Variants in PKIB observed in about 807,000 individuals in gnomAD.
PKIB encodes PKI-beta.
A neutral mutation model predicts 4.5 loss-of-function variants in PKIB; 2 were observed. The observed-to-expected ratio is 0.44, with a 90% confidence interval of 0.18 to 1.39. PKIB has a LOEUF of 1.39. PKIB is among the 40% of genes most tolerant of loss of function. The pLI, the probability that PKIB is intolerant of heterozygous loss-of-function variation, is 0.27. For synonymous variants in PKIB, 38 were observed against 36.0 expected (o/e 1.06, Z -0.20); for missense variants, 94 against 92.6 (o/e 1.02, Z -0.06).
rs201113997 is a variant in PKIB, at chr6:122,691,536, T to C, written c.-9+16392T>C. On this transcript the variant is annotated intron_variant, in intron 3 of 4. Transcript: ENST00000368452. ...ACCTCCAGAATTTCTGCTTGATTCTTCTTAATTATTTCAATCTCTTTGTTA... is the reference window on the plus strand; with the variant it reads ...ACCTCCAGAATTTCTGCTTGATTCTCCTTAATTATTTCAATCTCTTTGTTA... 7.2e-5 allele frequency among the ~76,000 whole-genome samples: 11 copies of C among 152,332 alleles called. No individual in the cohort carries two copies. In the East Asian group the frequency reaches 1.9e-3, roughly 27 times the overall value.
chr6:122,698,755 T>C (rs377261546), intron 3 of PKIB, among the ~76,000 whole-genome samples: 24 of 152,266 alleles, frequency 1.6e-4, no homozygotes, highest in East Asian at 5.8e-4. Flanking sequence ...ACAGCACTAG[T>C]GAAATTAAAG....
chr6:122,638,688 A>G (rs2114842419), intron 2 of PKIB, among the ~76,000 whole-genome samples: 1 of 152,266 alleles, frequency 6.6e-6, no homozygotes, highest in Middle Eastern at 3.4e-3. Context: ...CTTTTTATCC[A>G]TCCACCTTAA....
intron 1 of PKIB, among the ~76,000 whole-genome samples, chr6:122,626,686 A>G (rs948328349): frequency 2.6e-5 from 4 of 152,196 alleles, no homozygotes; most frequent in Admixed American, 1.3e-4. Flanking sequence ...TTTGCTATTT[A>G]TTGCTAGCCC....
chr6:122,624,353 A>T (rs1322539838), intron 1 of PKIB, among the ~76,000 whole-genome samples: 3 of 152,200 alleles, frequency 2.0e-5, no homozygotes, highest in Admixed American at 6.5e-5. Flanking sequence ...CTTTATATCC[A>T]TCACATTCTA....
chr6:122,584,274 AT>A (rs1773788582), intron 2 of PKIB, among the ~76,000 whole-genome samples: 1 of 152,096 alleles, frequency 6.6e-6, no homozygotes, highest in Non-Finnish European at 1.5e-5. Context: ...AATAAGGATT[AT>A]TTTTTTCTTA....
intron 2 of PKIB, among the ~76,000 whole-genome samples, 171 bp from the exon 3 acceptor site, chr6:122,674,907 T>C (rs184603033): frequency 2.0e-5 from 3 of 152,310 alleles, no homozygotes; most frequent in African/African-American, 7.2e-5. Context: ...TGACTTTTAA[T>C]AGAAAATTTT....
At chr6:122,583,525 T>A (rs1299039073) in intron 2 of PKIB, among the ~76,000 whole-genome samples, 1 of 152,106 alleles carries the variant, frequency 6.6e-6, no homozygotes, top group African/African-American at 2.4e-5. Context: ...TTCCAGGCTG[T>A]TCCACGAAAT....
chr6:122,512,099 C>T (rs1776606107), intron 2 of PKIB, among the ~76,000 whole-genome samples: 1 of 152,126 alleles, frequency 6.6e-6, no homozygotes. Flanking sequence ...CAACAATGTC[C>T]TAACCTATTT....
intron 4 of PKIB, among the ~76,000 whole-genome samples, chr6:122,721,114 G>T (rs896440568): frequency 6.6e-6 from 1 of 152,138 alleles, no homozygotes; most frequent in Non-Finnish European, 1.5e-5. Context: ...AGTACAAATG[G>T]AACCACAGAA....
At chr6:122,528,120 A>G (rs908291536) in intron 2 of PKIB, among the ~76,000 whole-genome samples, 7 of 152,154 alleles carry the variant, frequency 4.6e-5, no homozygotes, top group Non-Finnish European at 1.0e-4. Context: ...TTATCATTCT[A>G]AATGCCCTTC....
chr6:122,573,002 T>C (rs1340985277), intron 2 of PKIB, among the ~76,000 whole-genome samples: 1 of 151,584 alleles, frequency 6.6e-6, no homozygotes, highest in African/African-American at 2.4e-5. Context: ...ACACAGAAAA[T>C]TTCAGGACCA....
chr6:122,491,536 A>G (rs1775933477), intron 2 of PKIB, among the ~76,000 whole-genome samples: 1 of 152,176 alleles, frequency 6.6e-6, no homozygotes, highest in Non-Finnish European at 1.5e-5. Flanking sequence ...TACTGTAAAA[A>G]TTAGTCATTA....
intron 2 of PKIB, among the ~76,000 whole-genome samples, chr6:122,544,214 A>G (rs893209230): frequency 4.6e-5 from 7 of 151,988 alleles, no homozygotes; most frequent in African/African-American, 1.5e-4. Context: ...AATCATCAAT[A>G]ATAGATTAAA....
At chr6:122,494,134 C>G (rs1776013701) in intron 2 of PKIB, among the ~76,000 whole-genome samples, 1 of 152,148 alleles carries the variant, frequency 6.6e-6, no homozygotes, top group Admixed American at 6.5e-5. Flanking sequence ...CTTGAACTTT[C>G]TTATTTGAGA....
intron 3 of PKIB, among the ~76,000 whole-genome samples, chr6:122,702,922 C>T (rs1340960379): frequency 6.6e-6 from 1 of 152,066 alleles, no homozygotes; most frequent in Admixed American, 6.6e-5. Flanking sequence ...TATGCCATAA[C>T]ATGAAGCATG....
chr6:122,604,237 G>A (rs193071226), intron 3 of PKIB, among the ~76,000 whole-genome samples: 36 of 152,152 alleles, frequency 2.4e-4, no homozygotes, highest in African/African-American at 8.4e-4. Flanking sequence ...AAGTTTTAAG[G>A]GCATGTCAAA....
intron 1 of PKIB, 128 bp downstream of exon 1, chr6:122,610,663 C>A (rs1476709397): frequency 6.6e-6 from 1 of 152,316 alleles, no homozygotes; most frequent in African/African-American, 2.4e-5. Context: ...ATTTTCTGCC[C>A]TGCTGGCACA....
At position 122,603,000 on chromosome 6, in the gene PKIB, G is replaced by T. The variant is rs1285777487; in HGVS notation, c.-161+16993G>T. On this transcript the variant is annotated intron_variant, in intron 3 of 6. Transcript: ENST00000392491. ...AAAATAGGAGTACGTTTACATTTTA[G>T]GTTCCTAAGCAAATTTTTAAAAGAG... is the stretch of plus-strand genomic sequence containing the variant. Among the ~76,000 whole-genome samples, 4 of 149,596 alleles carry T rather than the reference G, an allele frequency of 2.7e-5. No homozygotes were observed. The East Asian group carries it at 7.8e-4, about 29-fold the overall frequency.
chr6:122,567,482 G>C (rs1185173509), intron 2 of PKIB, among the ~76,000 whole-genome samples: 3 of 152,128 alleles, frequency 2.0e-5, no homozygotes, highest in Non-Finnish European at 4.4e-5. Flanking sequence ...TATACTTGAA[G>C]CTTCATCTCA....
Sources: gnomAD v4.1 joint callset for allele counts (sites outside exome capture counted in the v4.1 genomes callset) on GRCh38, gnomAD v4.1.1 for gene constraint, MANE v1.5 for transcripts, NCBI Gene and HGNC (gene_info 2026-07-23, HGNC 2026-07-21) for gene names.